RIMS2: variants seen among roughly 807,000 people sequenced by gnomAD.
The protein encoded by RIMS2 is regulating synaptic membrane exocytosis 2.
A neutral mutation model predicts 174.4 loss-of-function variants in RIMS2; 59 were observed. The ratio of observed to expected loss-of-function variants is 0.34; its 90% CI spans 0.27 to 0.42. The LOEUF (loss-of-function observed/expected upper bound fraction) is 0.42, where lower values mean the gene tolerates loss of function less well. Among genes scored for constraint, RIMS2 ranks in the 10% least tolerant of loss-of-function variants. RIMS2 has a pLI of 1.00. For synonymous variants in RIMS2, 606 were observed against 572.5 expected (o/e 1.06, Z -0.84); for missense variants, 1,620 against 1,666.3 (o/e 0.97, Z 0.48).
chr8:103,740,076 A>T (rs969970782), intron 2 of RIMS2, among the ~76,000 whole-genome samples: 1 of 152,118 alleles, frequency 6.6e-6, no homozygotes, highest in African/African-American at 2.4e-5. Context: ...ACGGGAAATG[A>T]TTTGTTTAGA....
At chr8:103,767,715 C>T (rs2098192680) in intron 3 of RIMS2, among the ~76,000 whole-genome samples, 1 of 152,148 alleles carries the variant, frequency 6.6e-6, no homozygotes, top group Non-Finnish European at 1.5e-5. Flanking sequence ...AAAGTCACCA[C>T]TCCAATACAT....
chr8:104,013,645 A>G, intron 18 of RIMS2, 24 bp downstream of exon 20: 7 of 1,602,250 alleles, frequency 4.4e-6, no homozygotes, highest in Non-Finnish European at 6.0e-6. Flanking sequence ...CAATCAGACT[A>G]ATTTCCCCTT....
chr8:103,627,649 C>T (rs991735564), intron 1 of RIMS2, among the ~76,000 whole-genome samples: 12 of 152,202 alleles, frequency 7.9e-5, no homozygotes, highest in Non-Finnish European at 1.3e-4. Flanking sequence ...CGGCTCCAGC[C>T]GGTCCCTCCA....
intron 19 of RIMS2, among the ~76,000 whole-genome samples, chr8:104,123,147 G>A (rs2098398300): frequency 6.6e-6 from 1 of 151,996 alleles, no homozygotes; most frequent in Non-Finnish European, 1.5e-5. Flanking sequence ...GAAGTGTGGA[G>A]ATTTTTGCCA....
intron 3 of RIMS2, among the ~76,000 whole-genome samples, chr8:103,802,975 A>G (rs747397215): frequency 7.9e-5 from 12 of 152,176 alleles, no homozygotes; most frequent in Non-Finnish European, 1.3e-4. Context: ...TGAATTCAGC[A>G]TCATGGTGGT....
At chr8:104,119,747 C>T (rs942825600) in intron 19 of RIMS2, among the ~76,000 whole-genome samples, 13 of 152,122 alleles carry the variant, frequency 8.5e-5, no homozygotes, top group African/African-American at 2.9e-4. Flanking sequence ...GCTGACGCTC[C>T]GTGAGGGCCA....
chr8:103,964,114 A>G lies in RIMS2; in HGVS notation c.2770+2981A>G, dbSNP rs558609634. The stretch of plus-strand genomic sequence containing the variant: ...GTTGCTTCTGAGTTTTGGCAATTAT[A>G]AATAAAGCTGCTATAAACATCTGTG... On this transcript the variant is annotated intron_variant, in intron 15 of 23. Transcript: ENST00000504942. Among the ~76,000 whole-genome samples the G allele has an allele frequency of 3.9e-5, 6 of 152,356 alleles. No individual in the cohort carries two copies. The South Asian group carries it at 1.2e-3, about 32-fold the overall frequency.
chr8:103,684,617 C>T (rs996908219), intron 1 of RIMS2, among the ~76,000 whole-genome samples: 1 of 145,702 alleles, frequency 6.9e-6, no homozygotes, highest in African/African-American at 2.5e-5. Flanking sequence ...GACAGACTCT[C>T]GCTCTATCCC....
intron 3 of RIMS2, among the ~76,000 whole-genome samples, chr8:103,797,064 A>G (rs900362752): frequency 6.6e-6 from 1 of 152,174 alleles, no homozygotes; most frequent in Non-Finnish European, 1.5e-5. Context: ...ACTTAAAGGA[A>G]GTGAAGAAGT....
chr8:104,071,284 A>C (rs2097191377), intron 19 of RIMS2, among the ~76,000 whole-genome samples: 1 of 152,342 alleles, frequency 6.6e-6, no homozygotes, highest in Admixed American at 6.5e-5. Context: ...ATTGGTAAAA[A>C]TTAATTGTAC....
intron 14 of RIMS2, among the ~76,000 whole-genome samples, chr8:103,948,946 T>C (rs1286543058): frequency 1.4e-5 from 2 of 147,046 alleles, no homozygotes; most frequent in Non-Finnish European, 3.0e-5. Context: ...TACAACATAA[T>C]GAGACCCCAT....
At chr8:103,989,477 G>T in intron 17 of RIMS2, 56 bp downstream of exon 19, 1 of 903,616 alleles carries the variant, frequency 1.1e-6, no homozygotes. Flanking sequence ...CTGCTTTCAG[G>T]AAGGGGTTAC....
At chr8:104,116,903 G>C (rs1418431775) in intron 19 of RIMS2, among the ~76,000 whole-genome samples, 1 of 151,934 alleles carries the variant, frequency 6.6e-6, no homozygotes, top group African/African-American at 2.4e-5. Context: ...GTATAATAAA[G>C]TACATATTGC....
At chr8:104,244,330 A>G (rs916700489) in intron 19 of RIMS2, among the ~76,000 whole-genome samples, 12 of 152,196 alleles carry the variant, frequency 7.9e-5, no homozygotes, top group African/African-American at 2.9e-4. Flanking sequence ...TTACCAATAG[A>G]TGTGAAACTA....
intron 19 of RIMS2, among the ~76,000 whole-genome samples, chr8:104,124,404 G>C (rs78746207): frequency 1.3e-5 from 2 of 152,202 alleles, no homozygotes; most frequent in East Asian, 3.9e-4. Flanking sequence ...ATATCACTTG[G>C]TTAGATGGTG....
intron 19 of RIMS2, among the ~76,000 whole-genome samples, chr8:104,085,402 C>A (rs2097520635): frequency 6.6e-6 from 1 of 152,200 alleles, no homozygotes; most frequent in Non-Finnish European, 1.5e-5. Flanking sequence ...GTAGCTCTCC[C>A]TAAACCCCAC....
Position 103,938,997 on chromosome 8 carries a change from C to T in RIMS2, c.2547+2275C>T, listed in dbSNP as rs144301793. 8.7e-3 allele frequency among the ~76,000 whole-genome samples: 1,322 copies of T among 152,290 alleles called. 19 individuals are homozygous for T. Among genetic ancestry groups the T allele is most frequent in the African/African-American group, 0.03 (1,246 of 41,560 alleles). ...CAGAGTATAACCCCCCTCCTGGCTGCTTTCATGGGCTGGCGCTGAGTGTCT... is the reference window on the plus strand; with the variant it reads ...CAGAGTATAACCCCCCTCCTGGCTGTTTTCATGGGCTGGCGCTGAGTGTCT... On this transcript the variant is annotated intron_variant, in intron 13 of 23. Coordinates refer to ENST00000504942, the Ensembl canonical transcript of RIMS2.
At position 103,816,161 on chromosome 8, in the gene RIMS2, G is replaced by A. The variant is rs74899246; in HGVS notation, c.698+49624G>A. 7.1e-3 allele frequency among the ~76,000 whole-genome samples: 1,084 copies of A among 152,136 alleles called. 22 individuals are homozygous for A. The highest frequency in any genetic ancestry group is 0.025 in the African/African-American group (1,023 of 41,494). On this transcript the variant is annotated intron_variant, in intron 3 of 23. Transcript: ENST00000504942. ...TAACAAATTACAGAGTCCATTCAAA[G>A]CACAATGTTTTTGATTGCAAATATT...
At chr8:103,652,741 T>C in intron 1 of RIMS2, 31 bp downstream of exon 3, 1 of 1,165,772 alleles carries the variant, frequency 8.6e-7, no homozygotes, top group Non-Finnish European at 1.2e-6. Context: ...AGACTAAATA[T>C]TATCTCTGAT....
Sources: gnomAD v4.1 joint callset for allele counts (sites outside exome capture counted in the v4.1 genomes callset) on GRCh38, gnomAD v4.1.1 for gene constraint, MANE v1.5 for transcripts, NCBI Gene and HGNC (gene_info 2026-07-23, HGNC 2026-07-21) for gene names.